DCN: variants seen among roughly 807,000 people sequenced by gnomAD.
DCN encodes bone proteoglycan II.
In DCN, 17 loss-of-function variants were observed where a neutral mutation model predicts 36.5. The ratio of observed to expected loss-of-function variants is 0.47; its 90% CI spans 0.32 to 0.70. DCN has a LOEUF of 0.70. Ranked by LOEUF, DCN falls within the 30% of genes least tolerant of loss-of-function variation. The pLI is 0.04. For missense variants in DCN, 389 were observed against 430.1 expected (o/e 0.90, Z 0.84); for synonymous variants, 163 against 161.4 (o/e 1.01, Z -0.07).
At chr12:91,150,157 G>A (rs940750926) in intron 7 of DCN, among the ~76,000 whole-genome samples, 6 of 151,964 alleles carry the variant, frequency 3.9e-5, no homozygotes, top group African/African-American at 1.5e-4. Flanking sequence ...ATTTCAAAAC[G>A]TAATCAAAAG....
chr12:91,151,520 G>T, intron 7 of DCN, 134 bp downstream of exon 7: 1 of 906,248 alleles, frequency 1.1e-6, no homozygotes, highest in Non-Finnish European at 1.8e-6. Context: ...ATGGTATTTT[G>T]TCATAGAAAT....
intron 3 of DCN, among the ~76,000 whole-genome samples, chr12:91,160,409 T>C (rs1021913722): frequency 1.1e-4 from 17 of 151,956 alleles, no homozygotes; most frequent in African/African-American, 3.6e-4. Flanking sequence ...TTTAATATGA[T>C]TTTTTTCTCC....
intron 2 of DCN, chr12:91,177,146 G>A (rs187463228): frequency 1.2e-5 from 2 of 163,288 alleles, no homozygotes; most frequent in East Asian, 3.6e-4. Flanking sequence ...AGATCCATTG[G>A]AATTATCCTG....
At chr12:91,147,825 C>T (rs1592677168) in intron 7 of DCN, among the ~76,000 whole-genome samples, 1 of 152,046 alleles carries the variant, frequency 6.6e-6, no homozygotes, top group African/African-American at 2.4e-5. Context: ...TTACGTAATA[C>T]GTTTTACTTG....
chr12:91,168,314 C>A (rs527687683), intron 2 of DCN, among the ~76,000 whole-genome samples: 12 of 152,146 alleles, frequency 7.9e-5, no homozygotes, highest in Admixed American at 3.3e-4. Flanking sequence ...TGAAGCATAT[C>A]CGTTATCCCT....
At position 91,145,864 on chromosome 12, in the gene DCN, T is replaced by C; in HGVS notation, c.*194A>G. ...AACAGAAAGCTTCAAAAGATGATTC[T>C]GAAAATGGCAGGCAAAATTTCTTTT... On this transcript the variant is annotated 3_prime_UTR_variant, in exon 8 of 8. Transcript: ENST00000052754. 1.7e-6 allele frequency: 1 copy of C among 581,834 alleles called. No individual in the cohort carries two copies. Among genetic ancestry groups the C allele is most frequent in the Non-Finnish European group, 3.0e-6 (1 of 329,274 alleles). The allele number at this position is 581,834 out of a possible 1,614,324, so 36.0% of individuals were successfully genotyped here.
chr12:91,180,314 AAAGAAAGAAAG>A, intron 1 of DCN: 1 of 120,634 alleles, frequency 8.3e-6, no homozygotes, highest in Admixed American at 8.1e-5. Flanking sequence ...AGGAAGGAAG[AAAGAAAGAAAG>A]AAGGAAGAAA....
intron 3 of DCN, among the ~76,000 whole-genome samples, chr12:91,162,866 G>T (rs547954803): frequency 6.6e-6 from 1 of 152,186 alleles, no homozygotes; most frequent in East Asian, 1.9e-4. Flanking sequence ...TGCCACTAGT[G>T]ACCCTCAACA....
intron 2 of DCN, among the ~76,000 whole-genome samples, chr12:91,170,684 G>A (rs1016684620): frequency 6.6e-6 from 1 of 152,060 alleles, no homozygotes; most frequent in African/African-American, 2.4e-5. Flanking sequence ...AGAATGGCTC[G>A]GGTTAAAATC....
rs1005845988 is a variant in DCN, at chr12:91,140,746, T to C, written c.*5312A>G. 3 of 152,186 alleles carry C rather than the reference T, an allele frequency of 2.0e-5. No individual in the cohort carries two copies. Among genetic ancestry groups the C allele is most frequent in the Non-Finnish European group, 4.4e-5 (3 of 68,026 alleles). 9.4% of individuals were successfully genotyped at this position (152,186 alleles called of 1,614,324 possible). Reference sequence around the variant, plus strand: ...CTCCTTGACACCTCCATATGGAAGTTGAATATGCATCTCAAAAAGAACAGA... The same window carrying C: ...CTCCTTGACACCTCCATATGGAAGTCGAATATGCATCTCAAAAAGAACAGA... On this transcript the variant is annotated 3_prime_UTR_variant, in exon 8 of 8. Coordinates refer to ENST00000052754, the MANE Select transcript of DCN (RefSeq NM_001920.5).
At chr12:91,159,385 T>C (rs987491065) in intron 3 of DCN, among the ~76,000 whole-genome samples, 1 of 152,122 alleles carries the variant, frequency 6.6e-6, no homozygotes, top group Admixed American at 6.6e-5. Context: ...TTGCTTTTCT[T>C]TGTATTTCCT....
At chr12:91,151,579 T>C in intron 7 of DCN, 75 bp downstream of exon 7, 1 of 1,575,202 alleles carries the variant, frequency 6.3e-7, no homozygotes, top group Non-Finnish European at 8.7e-7. Context: ...AGCTTCCTGC[T>C]TCCCAGCATC....
chr12:91,157,470 G>T (rs1224825526), intron 4 of DCN, among the ~76,000 whole-genome samples: 1 of 152,074 alleles, frequency 6.6e-6, no homozygotes, highest in African/African-American at 2.4e-5. Flanking sequence ...TATTTAAGAT[G>T]CATACACAGG....
chr12:91,149,594 C>T (rs1227368110), intron 7 of DCN, among the ~76,000 whole-genome samples: 8 of 151,774 alleles, frequency 5.3e-5, no homozygotes, highest in Admixed American at 5.2e-4. Flanking sequence ...CGATTCCAGC[C>T]AATGCAAAGG....
chr12:91,156,046 A>G (rs1881745847), intron 5 of DCN, among the ~76,000 whole-genome samples: 1 of 152,162 alleles, frequency 6.6e-6, no homozygotes, highest in South Asian at 2.1e-4. Flanking sequence ...AAAACTAGAT[A>G]ATATAGAGGG....
At position 91,142,402 on chromosome 12, in the gene DCN, G is replaced by C. The variant is rs1880781724; in HGVS notation, c.*3656C>G. On this transcript the variant is annotated 3_prime_UTR_variant, in exon 8 of 8. Transcript: ENST00000052754. ...TTAGGCAATTCTTCCTTCGTATAAA[G>C]ATAAGATTATGATATCCTGCAGCTG... The C allele has an allele frequency of 1.3e-5, 2 of 152,178 alleles. No individual in the cohort carries two copies. The highest frequency in any genetic ancestry group is 4.8e-5 in the African/African-American group (2 of 41,446). The allele number at this position is 152,178 out of a possible 1,614,324, so 9.4% of individuals were successfully genotyped here.
rs1323960312 is a variant in DCN at position 91,143,029 on chromosome 12, T to C, written c.*3029A>G. The C allele has an allele frequency of 2.0e-5, 3 of 152,114 alleles. No individual in the cohort carries two copies. The highest frequency in any genetic ancestry group is 7.2e-5 in the African/African-American group (3 of 41,420). The allele number at this position is 152,114 out of a possible 1,614,324, so 9.4% of individuals were successfully genotyped here. On this transcript the variant is annotated 3_prime_UTR_variant, in exon 8 of 8. Transcript: ENST00000052754. ...TAAATTAGGGTGAGCCTTAATCCAATATAACTCATGTTCATAGAAGAAGAA... is the reference window on the plus strand; with the variant it reads ...TAAATTAGGGTGAGCCTTAATCCAACATAACTCATGTTCATAGAAGAAGAA...
chr12:91,145,393 T>C lies in DCN; in HGVS notation c.*665A>G, dbSNP rs887612473. 1 of 154,444 alleles carries C rather than the reference T, an allele frequency of 6.5e-6. No individual in the cohort carries two copies. Among genetic ancestry groups the C allele is most frequent in the Non-Finnish European group, 1.4e-5 (1 of 69,340 alleles). The allele number at this position is 154,444 out of a possible 1,614,324, so 9.6% of individuals were successfully genotyped here. ...GATGACATAAGTTACCATACTCAAA[T>C]GTAAGATAGGGAGAGGTAGAAGAAA... On this transcript the variant is annotated 3_prime_UTR_variant, in exon 8 of 8. Coordinates refer to ENST00000052754, the MANE Select transcript of DCN (RefSeq NM_001920.5).
At chr12:91,176,759 T>G (rs1233370872) in intron 2 of DCN, 4 of 152,218 alleles carry the variant, frequency 2.6e-5, no homozygotes, top group Admixed American at 2.0e-4. Flanking sequence ...TTCTTTTAAC[T>G]TTTTCTCAGA....
Sources: allele counts gnomAD v4.1 joint callset (sites outside exome capture counted in the v4.1 genomes callset), GRCh38; gene constraint gnomAD v4.1.1; transcripts MANE v1.5; gene names NCBI Gene and HGNC (gene_info 2026-07-23, HGNC 2026-07-21).